The following AURKA variants were observed in gnomAD, a reference collection of about 807,000 sequenced individuals.
AURKA encodes aurora 2.
Under a neutral mutation model 40.9 loss-of-function variants are expected in AURKA, and 12 were observed. That is an observed-to-expected ratio of 0.29 (90% confidence interval 0.19 to 0.48). AURKA has a LOEUF of 0.48. AURKA is among the 20% of genes least tolerant of loss of function. The pLI is 0.99. For synonymous variants in AURKA, 170 were observed against 164.3 expected (o/e 1.03, Z -0.26); for missense variants, 322 against 462.1 (o/e 0.70, Z 2.78).
rs918964104 is a variant in AURKA at position 56,370,219 on chromosome 20, G to A, written c.1151C>T (p.Thr384Ile). 11 of 1,613,926 alleles carry A rather than the reference G, an allele frequency of 6.8e-6. No individual in the cohort carries two copies. The highest frequency in any genetic ancestry group is 8.5e-6 in the Non-Finnish European group (10 of 1,180,008). The change falls in exon 9 of 9, where the codon ACA becomes ATA. Residue 384 changes from threonine to isoleucine, a missense_variant. Coordinates refer to ENST00000395915, the MANE Select transcript of AURKA (RefSeq NM_198437.3). ...LREVLEHPWI[T>I]ANSSKPSNCQ... ...ATTTGATGGTTTTGATGAATTTGCT[G>A]TGATCCAGGGGTGTTCAAGTACTTC...
intron 1 of AURKA, among the ~76,000 whole-genome samples, chr20:56,389,558 A>G (rs1443403599): frequency 1.3e-5 from 2 of 151,856 alleles, no homozygotes; most frequent in Non-Finnish European, 2.9e-5. Context: ...CAGGCTGAGG[A>G]CTCCCAAATA....
intron 6 of AURKA, among the ~76,000 whole-genome samples, chr20:56,375,307 C>A (rs912472099): frequency 3.0e-5 from 4 of 131,862 alleles, no homozygotes; most frequent in African/African-American, 1.1e-4. Flanking sequence ...TTTAATCTTT[C>A]TTTTTTTTTT....
rs1984506852 is a variant in AURKA at position 56,373,255 on chromosome 20, A to G, written c.854+153T>C. Among the ~76,000 whole-genome samples the G allele has an allele frequency of 6.6e-6, 1 of 152,224 alleles. No homozygotes were observed. The highest frequency in any genetic ancestry group is 1.5e-5 in the Non-Finnish European group (1 of 68,038). ...AACACTTTCTTGCAAACCCTAGTTT[A>G]TTATTAAGCCTAAATTACTCCAAAG... On this transcript the variant is annotated intron_variant, in intron 7 of 8. Coordinates refer to ENST00000395915, the MANE Select transcript of AURKA (RefSeq NM_198437.3). The surrounding 1 kb of genome is among the most constrained non-coding windows in gnomAD (Gnocchi z 5.0).
rs1983926711 is a variant in AURKA, at chr20:56,370,181, C to G, written c.1189G>C (p.Glu397Gln). The G allele has an allele frequency of 6.2e-7, 1 of 1,612,874 alleles. No homozygotes were observed. The highest frequency in any genetic ancestry group is 1.3e-5 in the African/African-American group (1 of 74,864). ...SSKPSNCQNK[E>Q]SASKQS ...TCCTAAGACTGTTTGCTAGCTGATTCTTTGTTTTGGCAATTTGATGGTTTT... is the reference window on the plus strand; with the variant it reads ...TCCTAAGACTGTTTGCTAGCTGATTGTTTGTTTTGGCAATTTGATGGTTTT... The change falls in exon 9 of 9, where the codon GAA becomes CAA. Residue 397 changes from glutamate (E) to glutamine (Q), a missense_variant. By Grantham distance (29) the Glu-to-Gln change is conservative. Transcript: ENST00000395915.
At chr20:56,384,428 T>C in intron 3 of AURKA, 104 bp from the exon 4 acceptor site, 1 of 856,374 alleles carries the variant, frequency 1.2e-6, no homozygotes, top group Non-Finnish European at 1.9e-6. Context: ...ATATTAATGG[T>C]ATGTCAAGAA....
intron 3 of AURKA, 36 bp from the exon 4 acceptor site, chr20:56,384,360 AACT>A (rs1195071383): frequency 6.8e-7 from 1 of 1,477,142 alleles, no homozygotes; most frequent in Non-Finnish European, 9.4e-7. Flanking sequence ...TTTTTAGAAT[AACT>A]ATATAGGATA....
intron 2 of AURKA, 45 bp from the exon 3 acceptor site, chr20:56,386,578 A>G (rs776657953): frequency 1.7e-5 from 27 of 1,606,032 alleles, no homozygotes; most frequent in Non-Finnish European, 2.3e-5. Context: ...CATGAAAGCA[A>G]AAGATGAATA....
Position 56,381,690 on chromosome 20 carries a change from A to C in AURKA, c.567-119T>G, listed in dbSNP as rs1430994604. 19 of 1,248,288 alleles carry C rather than the reference A, an allele frequency of 1.5e-5. No homozygotes were observed. In the Admixed American group the frequency reaches 3.5e-4, roughly 23 times the overall value. The allele number at this position is 1,248,288 out of a possible 1,614,324, so 77.3% of individuals were successfully genotyped here. On this transcript the variant is annotated intron_variant, in intron 5 of 8. Transcript: ENST00000395915. ...GTGTTTCACATGAAACCACACTCCA[A>C]ACCCCACTTTAGAATCTGAAACTAT...
chr20:56,387,425 T>C (rs1028051813), intron 2 of AURKA, among the ~76,000 whole-genome samples: 1 of 152,244 alleles, frequency 6.6e-6, no homozygotes, highest in Non-Finnish European at 1.5e-5. Context: ...GTGCTGGGAT[T>C]ACAGGCGTGA....
At chr20:56,380,028 C>CA (rs1214639719) in intron 6 of AURKA, among the ~76,000 whole-genome samples, 4 of 148,356 alleles carry the variant, frequency 2.7e-5, no homozygotes, top group Non-Finnish European at 4.5e-5. Flanking sequence ...ACACGCAAGA[C>CA]AAAACTGCAA....
chr20:56,375,571 C>T (rs1984826931), intron 6 of AURKA, among the ~76,000 whole-genome samples: 1 of 151,950 alleles, frequency 6.6e-6, no homozygotes, highest in Non-Finnish European at 1.5e-5. Context: ...TATTTTACAT[C>T]AAAAAGGTTT....
Position 56,369,441 on chromosome 20 carries a change from C to T in AURKA, c.*717G>A. 1 of 235,070 alleles carries T rather than the reference C, an allele frequency of 4.3e-6. No individual in the cohort carries two copies. The highest frequency in any genetic ancestry group is 6.1e-5 in the East Asian group (1 of 16,474). The allele number at this position is 235,070 out of a possible 1,614,324, so 14.6% of individuals were successfully genotyped here. ...TTTAAAGTTTACACACATGCTATGA[C>T]TCCAATGTTTTAAAAAAATAAGCCC... On this transcript the variant is annotated 3_prime_UTR_variant, in exon 9 of 9. Transcript: ENST00000395915.
chr20:56,381,948 G>A (rs1031078410), intron 5 of AURKA, among the ~76,000 whole-genome samples: 2 of 152,158 alleles, frequency 1.3e-5, no homozygotes, highest in African/African-American at 4.8e-5. Flanking sequence ...GGAGGATCGC[G>A]AGGTCAGGAG....
rs1372816386 is a variant in AURKA, at chr20:56,388,192, G to C, written c.6C>G (p.Asp2Glu). 9.7e-7 allele frequency: 1 copy of C among 1,032,392 alleles called. No individual in the cohort carries two copies. The highest frequency in any genetic ancestry group is 8.2e-5 in the East Asian group (1 of 12,240). The allele number at this position is 1,032,392 out of a possible 1,614,324, so 64.0% of individuals were successfully genotyped here. Residue 2 changes from aspartate to glutamate, a missense_variant, in exon 2 of 9, where the codon GAC becomes GAG. Coordinates refer to ENST00000395915, the MANE Select transcript of AURKA (RefSeq NM_198437.3). Reference protein sequence around the residue: MDRSKENCISGP... With the variant: MERSKENCISGP... ...CTGAAATGCAGTTTTCTTTAGATCG[G>C]TCCATGATGCCTGAAAAGAAAAAGA...
At chr20:56,370,707 C>CACA (rs1984040340) in intron 7 of AURKA, 48 bp from the exon 8 acceptor site, 2 of 1,601,944 alleles carry the variant, frequency 1.2e-6, no homozygotes, top group African/African-American at 2.7e-5. Flanking sequence ...GTTTTATGAT[C>CACA]ACAACAGCTG....
chr20:56,372,434 C>T (rs1462569021), intron 7 of AURKA, among the ~76,000 whole-genome samples: 1 of 151,520 alleles, frequency 6.6e-6, no homozygotes, highest in Non-Finnish European at 1.5e-5. Context: ...ACAATTCAAC[C>T]GGTTAAGATA....
chr20:56,374,578 A>G (rs1037095690), intron 6 of AURKA, among the ~76,000 whole-genome samples: 2 of 152,130 alleles, frequency 1.3e-5, no homozygotes, highest in Non-Finnish European at 2.9e-5. Context: ...TCCTTTTGTT[A>G]ATTTTATTTC....
In AURKA at chr20:56,381,591, T is replaced by G. The variant is rs140458817; in HGVS notation, c.567-20A>C. ...GGATGCCTGCAACAAAGGATAAACA[T>G]TCTAACACTTGGTTTGGAGCTCACA... is the stretch of plus-strand genomic sequence containing the variant. On this transcript the variant is annotated intron_variant, in intron 5 of 8. Transcript: ENST00000395915. 6.2e-7 allele frequency: 1 copy of G among 1,612,642 alleles called. No individual in the cohort carries two copies. Among genetic ancestry groups the G allele is most frequent in the African/African-American group, 1.3e-5 (1 of 74,892 alleles).
chr20:56,379,797 A>T (rs750874193), intron 6 of AURKA, among the ~76,000 whole-genome samples: 1 of 151,618 alleles, frequency 6.6e-6, no homozygotes, highest in Non-Finnish European at 1.5e-5. Context: ...CCCCATCTCT[A>T]CTAAAAATAC....
Sources: gnomAD v4.1 joint callset for allele counts (sites outside exome capture counted in the v4.1 genomes callset) on GRCh38, gnomAD v4.1.1 for gene constraint, Gnocchi (gnomAD v3.1) non-coding constraint, MANE v1.5 for transcripts, NCBI Gene and HGNC (gene_info 2026-07-23, HGNC 2026-07-21) for gene names.